KIAA1671: variants seen among roughly 807,000 people sequenced by gnomAD.
KIAA1671 encodes uncharacterized protein KIAA1671.
KIAA1671 carries 52 observed loss-of-function variants against 131.2 expected under a neutral mutation model. That is an observed-to-expected ratio of 0.40 (90% CI 0.32 to 0.50). KIAA1671 has a LOEUF of 0.50. KIAA1671 is among the 20% of genes least tolerant of loss of function. The pLI, the probability that KIAA1671 is intolerant of heterozygous loss-of-function variation, is 0.73. For missense variants in KIAA1671, 2,360 were observed against 2,364.2 expected (o/e 1.00, Z 0.04); for synonymous variants, 1,003 against 961.6 (o/e 1.04, Z -0.80).
At chr22:25,123,272 C>T (rs1017696536) in intron 6 of KIAA1671, among the ~76,000 whole-genome samples, 5 of 144,484 alleles carry the variant, frequency 3.5e-5, no homozygotes, top group Non-Finnish European at 7.5e-5. Flanking sequence ...TCTCGGCTCA[C>T]TGCAACCACC....
chr22:25,082,480 AG>A (rs1411747624), intron 6 of KIAA1671, among the ~76,000 whole-genome samples: 1 of 152,228 alleles, frequency 6.6e-6, no homozygotes, highest in Non-Finnish European at 1.5e-5. Context: ...TCAGTGGTTC[AG>A]TAATGCATGG....
chr22:25,080,497 G>A (rs1404085744), intron 6 of KIAA1671, among the ~76,000 whole-genome samples: 1 of 152,186 alleles, frequency 6.6e-6, no homozygotes, highest in African/African-American at 2.4e-5. Context: ...GCCCAGGCCA[G>A]CTCCTCTCAG....
In KIAA1671 at chr22:25,019,445, C is replaced by G. The variant is rs372419308; in HGVS notation, c.-207-6188C>G. On this transcript the variant is annotated intron_variant, in intron 1 of 12. Transcript: ENST00000358431. ...CTTCTGAAAGCAGGCAGGAGACAGT[C>G]TTAGCACCTCTACCTTTCAAATTGA... Among the ~76,000 whole-genome samples the G allele has an allele frequency of 1.7e-3, 255 of 152,172 alleles. 1 individual carries two copies. The highest frequency in any genetic ancestry group is 5.7e-3 in the African/African-American group (238 of 41,508).
chr22:25,033,671 C>A (rs925749855), intron 4 of KIAA1671, among the ~76,000 whole-genome samples: 1 of 149,130 alleles, frequency 6.7e-6, no homozygotes, highest in African/African-American at 2.5e-5. Flanking sequence ...CTCCGCCTCC[C>A]GGGTTCAAGC....
At chr22:25,168,239 C>A (rs990052551) in intron 6 of KIAA1671, among the ~76,000 whole-genome samples, 9 of 152,252 alleles carry the variant, frequency 5.9e-5, no homozygotes, top group African/African-American at 2.2e-4. Context: ...GCATCCCAGT[C>A]TTAAAGGGCA....
chr22:25,093,858 C>CTCTCTCTT (rs1930265105), intron 6 of KIAA1671, among the ~76,000 whole-genome samples: 1 of 132,532 alleles, frequency 7.5e-6, no homozygotes, highest in African/African-American at 2.9e-5. Context: ...CTCTCTCTCT[C>CTCTCTCTT]TCTCTCTCTC....
At chr22:25,123,990 G>T (rs992012807) in intron 6 of KIAA1671, among the ~76,000 whole-genome samples, 8 of 152,212 alleles carry the variant, frequency 5.3e-5, no homozygotes, top group Admixed American at 4.6e-4. Flanking sequence ...GGGAAGACCT[G>T]CCCATGGTCT....
rs1439208456 is a variant in KIAA1671 at position 25,197,175 on chromosome 22, C to T, written c.*4774C>T. On this transcript the variant is annotated 3_prime_UTR_variant, in exon 13 of 13. Coordinates refer to ENST00000358431, the MANE Select transcript of KIAA1671 (RefSeq NM_001145206.2). ...AGACGAGAGGCACTTTATCCAGTCC[C>T]AGAAAGAATCTCTAACCGTGTGACT... is the stretch of plus-strand genomic sequence containing the variant. The T allele has an allele frequency of 2.6e-5, 4 of 152,146 alleles. No homozygotes were observed. Among genetic ancestry groups the T allele is most frequent in the African/African-American group, 9.7e-5 (4 of 41,404 alleles). 9.4% of individuals were successfully genotyped at this position (152,146 alleles called of 1,614,324 possible).
chr22:25,093,738 C>CTCTCTCTCTCTT (rs1930165650), intron 6 of KIAA1671, among the ~76,000 whole-genome samples: 1 of 88,942 alleles, frequency 1.1e-5, no homozygotes, highest in Non-Finnish European at 2.3e-5. Flanking sequence ...CACACACACA[C>CTCTCTCTCTCTT]TCTCTCTCTC....
intron 1 of KIAA1671, among the ~76,000 whole-genome samples, chr22:24,965,654 C>T (rs537699741): frequency 3.3e-5 from 5 of 150,562 alleles, no homozygotes; most frequent in South Asian, 2.1e-4. Flanking sequence ...GCGGGAGAAT[C>T]GCTTGAACCC....
intron 2 of KIAA1671, 90 bp downstream of exon 2, chr22:25,025,874 C>T (rs1925921898): frequency 6.6e-6 from 1 of 152,322 alleles, no homozygotes; most frequent in Non-Finnish European, 1.5e-5. Flanking sequence ...AGAATTTTCT[C>T]TCTGTCCTTT....
At chr22:25,084,211 T>A (rs1451144766) in intron 6 of KIAA1671, among the ~76,000 whole-genome samples, 2 of 152,124 alleles carry the variant, frequency 1.3e-5, no homozygotes, top group Non-Finnish European at 2.9e-5. Context: ...TGACAGTGGC[T>A]TACGTCTGTA....
At chr22:24,996,166 G>A (rs769468407) in intron 1 of KIAA1671, among the ~76,000 whole-genome samples, 2 of 151,692 alleles carry the variant, frequency 1.3e-5, no homozygotes, top group Non-Finnish European at 2.9e-5. Context: ...CGACCCCTGT[G>A]TATGCAGGTG....
chr22:25,105,824 G>GT (rs1040200322), intron 6 of KIAA1671, among the ~76,000 whole-genome samples: 4 of 151,942 alleles, frequency 2.6e-5, no homozygotes, highest in Admixed American at 6.6e-5. Flanking sequence ...GAAGTTGGGG[G>GT]GGGGGGGTGC....
intron 1 of KIAA1671, among the ~76,000 whole-genome samples, chr22:24,960,300 C>T (rs1344914391): frequency 6.6e-6 from 1 of 151,610 alleles, no homozygotes; most frequent in Non-Finnish European, 1.5e-5. Context: ...CCTGTAATCC[C>T]AGCACTTTAG....
At chr22:25,080,417 A>AG (rs1211111633) in intron 6 of KIAA1671, among the ~76,000 whole-genome samples, 2 of 152,230 alleles carry the variant, frequency 1.3e-5, no homozygotes, top group Non-Finnish European at 1.5e-5. Flanking sequence ...AGCTACAGGA[A>AG]GAGGTACCCA....
intron 6 of KIAA1671, among the ~76,000 whole-genome samples, chr22:25,077,701 C>G (rs1929191381): frequency 6.6e-6 from 1 of 152,198 alleles, no homozygotes; most frequent in South Asian, 2.1e-4. Context: ...CCTTGGTCTC[C>G]CTGGAGATGG....
chr22:25,046,329 A>G (rs75801383), intron 5 of KIAA1671, among the ~76,000 whole-genome samples: 36,818 of 151,686 alleles, frequency 0.24, 6,597 homozygotes, highest in African/African-American at 0.51. Flanking sequence ...GAAGAAAAAG[A>G]AACAAGGTTG....
intron 6 of KIAA1671, among the ~76,000 whole-genome samples, chr22:25,129,659 CTTTT>C (rs72236192): frequency 4.1e-4 from 55 of 133,388 alleles, no homozygotes; most frequent in East Asian, 2.9e-3. Context: ...TTCTCTTTTC[CTTTT>C]TTTTTTTTTT....
Sources: gnomAD v4.1 joint callset for allele counts (sites outside exome capture counted in the v4.1 genomes callset) on GRCh38, gnomAD v4.1.1 for gene constraint, MANE v1.5 for transcripts, NCBI Gene and HGNC (gene_info 2026-07-23, HGNC 2026-07-21) for gene names.